TNFRSF8: variants seen among roughly 807,000 people sequenced by gnomAD.
The protein encoded by TNFRSF8 is TNF receptor superfamily member 8.
TNFRSF8 carries 26 observed loss-of-function variants against 70.8 expected under a neutral mutation model. That is an observed-to-expected ratio of 0.37 (90% CI 0.27 to 0.51). The LOEUF (loss-of-function observed/expected upper bound fraction) is 0.51, where lower values mean the gene tolerates loss of function less well. Among genes scored for constraint, TNFRSF8 ranks in the 20% least tolerant of loss-of-function variants. The pLI, the probability that TNFRSF8 is intolerant of heterozygous loss-of-function variation, is 0.94. For missense variants in TNFRSF8, 720 were observed against 807.9 expected (o/e 0.89, Z 1.32); for synonymous variants, 356 against 339.2 (o/e 1.05, Z -0.54).
intron 7 of TNFRSF8, among the ~76,000 whole-genome samples, chr1:12,114,531 C>G (rs1298495310): frequency 6.6e-6 from 1 of 151,992 alleles, no homozygotes; most frequent in Non-Finnish European, 1.5e-5. Context: ...GATCTACCCT[C>G]GCGGAGAGGT....
chr1:12,136,747 G>C (rs1175771282), intron 13 of TNFRSF8, among the ~76,000 whole-genome samples: 1 of 151,488 alleles, frequency 6.6e-6, no homozygotes, highest in Admixed American at 6.6e-5. Context: ...GCCATTAAAA[G>C]TAATGGCAAA....
At chr1:12,133,338 T>TTA (rs968500006) in intron 12 of TNFRSF8, among the ~76,000 whole-genome samples, 1 of 151,794 alleles carries the variant, frequency 6.6e-6, no homozygotes, top group Non-Finnish European at 1.5e-5. Context: ...TTTTTTTTTT[T>TTA]ATTCTGTTGG....
Position 12,113,265 on chromosome 1 carries a change from T to C in TNFRSF8, c.793+1251T>C, listed in dbSNP as rs1446985355. ...CTTGGTTCCCTTCCATGTCGGCCTC[T>C]TCGTGTCTTACCTGGGGCTTCCTCA... is the stretch of plus-strand genomic sequence containing the variant. On this transcript the variant is annotated intron_variant, in intron 7 of 14. Coordinates refer to ENST00000263932, the MANE Select transcript of TNFRSF8 (RefSeq NM_001243.5). The surrounding 1 kb of genome is among the most constrained non-coding windows in gnomAD (Gnocchi z 4.9). 6.6e-6 allele frequency among the ~76,000 whole-genome samples: 1 copy of C among 152,228 alleles called. No homozygotes were observed. Among genetic ancestry groups the C allele is most frequent in the African/African-American group, 2.4e-5 (1 of 41,456 alleles).
At chr1:12,071,052 T>C (rs1430055046) in intron 1 of TNFRSF8, among the ~76,000 whole-genome samples, 1 of 152,200 alleles carries the variant, frequency 6.6e-6, no homozygotes, top group East Asian at 1.9e-4. Context: ...TAGGCTCTTT[T>C]ATTCAGCCTG....
intron 4 of TNFRSF8, among the ~76,000 whole-genome samples, chr1:12,107,078 G>A (rs550499891): frequency 2.0e-5 from 3 of 152,328 alleles, no homozygotes; most frequent in East Asian, 1.9e-4. Flanking sequence ...CCCCTGGCCC[G>A]TGGCACGTGG....
intron 3 of TNFRSF8, among the ~76,000 whole-genome samples, chr1:12,097,889 CTATT>C (rs1381604544): frequency 1.3e-5 from 2 of 152,086 alleles, no homozygotes; most frequent in African/African-American, 2.4e-5. Context: ...CTCTACATAT[CTATT>C]AAGTTAAGCT....
rs190912763 is a variant in TNFRSF8 at position 12,104,764 on chromosome 1, T to C, written c.421+233T>C. ...ACCCTGCTGTCCCCTGGCATAGACC[T>C]GGCTGGAGGAGGTCTTGCTTTGGTT... On this transcript the variant is annotated intron_variant, in intron 4 of 14. Coordinates refer to ENST00000263932, the MANE Select transcript of TNFRSF8 (RefSeq NM_001243.5). 2.0e-5 allele frequency among the ~76,000 whole-genome samples: 3 copies of C among 152,336 alleles called. No homozygotes were observed. The East Asian group carries it at 5.8e-4, about 29-fold the overall frequency.
rs1570040404 is a variant in TNFRSF8, at chr1:12,109,320, A to G, written c.422-246A>G. On this transcript the variant is annotated intron_variant, in intron 4 of 14. Coordinates refer to ENST00000263932, the MANE Select transcript of TNFRSF8 (RefSeq NM_001243.5). This position sits in a 1 kb window ranked among gnomAD's most constrained non-coding sequence, Gnocchi z 4.4. ...GCCTGGTCTCATGGCCACTCGGGAAAGGGGGTTCAGTCGGTCCCAACCCCT... is the reference window on the plus strand; with the variant it reads ...GCCTGGTCTCATGGCCACTCGGGAAGGGGGGTTCAGTCGGTCCCAACCCCT... Among the ~76,000 whole-genome samples the G allele has an allele frequency of 1.3e-5, 2 of 152,298 alleles. No individual in the cohort carries two copies. The highest frequency in any genetic ancestry group is 2.9e-5 in the Non-Finnish European group (2 of 68,016).
intron 7 of TNFRSF8, 47 bp from the exon 8 acceptor site, chr1:12,115,530 C>G (rs2101013539): frequency 6.2e-7 from 1 of 1,611,714 alleles, no homozygotes; most frequent in Admixed American, 1.7e-5. Flanking sequence ...GACCCCCTGC[C>G]CTTGCCATAC....
chr1:12,063,724 C>A lies in TNFRSF8; in HGVS notation c.63+63C>A. On this transcript the variant is annotated intron_variant, in intron 1 of 14. Coordinates refer to ENST00000263932, the MANE Select transcript of TNFRSF8 (RefSeq NM_001243.5). This position sits in a 1 kb window ranked among gnomAD's most constrained non-coding sequence, Gnocchi z 7.2. ...TCCAGAGCCCGGACAGTGTGGGGTGCGTGGGACGCAAGGGAGGACACTCCT... is the reference window on the plus strand; with the variant it reads ...TCCAGAGCCCGGACAGTGTGGGGTGAGTGGGACGCAAGGGAGGACACTCCT... 1 of 1,240,924 alleles carries A rather than the reference C, an allele frequency of 8.1e-7. No homozygotes were observed. The highest frequency in any genetic ancestry group is 3.2e-5 in the East Asian group (1 of 31,654). The allele number at this position is 1,240,924 out of a possible 1,614,324, so 76.9% of individuals were successfully genotyped here.
chr1:12,136,202 A>G (rs1331735467), intron 13 of TNFRSF8, among the ~76,000 whole-genome samples: 1 of 152,038 alleles, frequency 6.6e-6, no homozygotes, highest in African/African-American at 2.4e-5. Flanking sequence ...TTCAGTTTCA[A>G]ATTATGGGGG....
Position 12,143,842 on chromosome 1 carries a change from C to A in TNFRSF8, c.*1311C>A, listed in dbSNP as rs1642308726. Reference sequence around the variant, plus strand: ...GGAAGGCTGCTGTTTACTCATCGGGCAGCCACGTGCTCTCTGGAGGAAGTG... The same window carrying A: ...GGAAGGCTGCTGTTTACTCATCGGGAAGCCACGTGCTCTCTGGAGGAAGTG... On this transcript the variant is annotated 3_prime_UTR_variant, in exon 15 of 15. Coordinates refer to ENST00000263932, the MANE Select transcript of TNFRSF8 (RefSeq NM_001243.5). The surrounding 1 kb of genome is among the most constrained non-coding windows in gnomAD (Gnocchi z 4.1). 1 of 152,226 alleles carries A rather than the reference C, an allele frequency of 6.6e-6. No individual in the cohort carries two copies. The allele number at this position is 152,226 out of a possible 1,614,324, so 9.4% of individuals were successfully genotyped here. A position where few individuals can be genotyped will look rare whatever the true frequency, so the allele number is the denominator to read the frequency against.
chr1:12,132,024 C>T (rs892614282), intron 12 of TNFRSF8, among the ~76,000 whole-genome samples: 1 of 151,300 alleles, frequency 6.6e-6, no homozygotes, highest in African/African-American at 2.4e-5. Flanking sequence ...GAACTCCTGG[C>T]ATCGTGATTT....
intron 7 of TNFRSF8, among the ~76,000 whole-genome samples, chr1:12,115,262 C>A (rs1297272881): frequency 6.6e-6 from 1 of 152,196 alleles, no homozygotes; most frequent in African/African-American, 2.4e-5. Flanking sequence ...TGCAGCTGAG[C>A]AACCAGCCAT....
At chr1:12,067,149 A>C (rs1348023456) in intron 1 of TNFRSF8, among the ~76,000 whole-genome samples, 1 of 152,064 alleles carries the variant, frequency 6.6e-6, no homozygotes, top group Non-Finnish European at 1.5e-5. Flanking sequence ...TGCAGAGAAA[A>C]ATTTATTCCC....
chr1:12,089,812 TC>T (rs1033190309), intron 2 of TNFRSF8, among the ~76,000 whole-genome samples: 1 of 151,402 alleles, frequency 6.6e-6, no homozygotes, highest in Non-Finnish European at 1.5e-5. Flanking sequence ...CACCCATCCA[TC>T]CATCCGTTCA....
At chr1:12,072,228 G>C (rs951598717) in intron 1 of TNFRSF8, among the ~76,000 whole-genome samples, 11 of 152,170 alleles carry the variant, frequency 7.2e-5, no homozygotes, top group African/African-American at 2.7e-4. Context: ...CACAGTGAGT[G>C]CTGTGCAAAT....
intron 12 of TNFRSF8, among the ~76,000 whole-genome samples, chr1:12,133,302 A>C (rs567463331): frequency 4.8e-5 from 7 of 146,596 alleles, no homozygotes; most frequent in Non-Finnish European, 1.0e-4. Context: ...ATTTTTATTT[A>C]TTTTGTTTTG....
At chr1:12,079,464 C>T (rs1208056540) in intron 1 of TNFRSF8, among the ~76,000 whole-genome samples, 2 of 152,316 alleles carry the variant, frequency 1.3e-5, no homozygotes, top group East Asian at 3.9e-4. Context: ...ATCCCAGCTC[C>T]CCTCTCTCTC....
Sources: gnomAD v4.1 joint callset for allele counts (sites outside exome capture counted in the v4.1 genomes callset) on GRCh38, gnomAD v4.1.1 for gene constraint, Gnocchi (gnomAD v3.1) non-coding constraint, MANE v1.5 for transcripts, NCBI Gene and HGNC (gene_info 2026-07-23, HGNC 2026-07-21) for gene names.